Variants in RPA1 observed in about 807,000 individuals in gnomAD.
RPA1 encodes replication protein A1.
RPA1 carries 49 observed loss-of-function variants against 83.0 expected under a neutral mutation model. The ratio of observed to expected loss-of-function variants is 0.59; its 90% CI spans 0.47 to 0.75. The LOEUF is 0.75. Ranked by LOEUF, RPA1 falls within the 30% of genes least tolerant of loss-of-function variation. The pLI is 0.00. For missense variants in RPA1, 693 were observed against 776.1 expected, an observed-to-expected ratio of 0.89 and a Z score of 1.27; for synonymous variants, 279 against 281.8, an observed-to-expected ratio of 0.99 and a Z score of 0.10.
intron 3 of RPA1, 145 bp downstream of exon 3, chr17:1,844,143 CAG>C: frequency 1.5e-6 from 1 of 645,650 alleles, no homozygotes; most frequent in Non-Finnish European, 2.7e-6. Context: ...TTGCAGCTGT[CAG>C]AGAGCATTCT....
intron 1 of RPA1, among the ~76,000 whole-genome samples, chr17:1,835,963 T>G (rs1317971660): frequency 3.3e-5 from 5 of 152,064 alleles, no homozygotes; most frequent in African/African-American, 1.2e-4. Flanking sequence ...CCTGTCTCTA[T>G]TTCATTTAGA....
chr17:1,849,571 C>T (rs1006825788), intron 4 of RPA1, among the ~76,000 whole-genome samples: 2 of 151,172 alleles, frequency 1.3e-5, no homozygotes, highest in Non-Finnish European at 2.9e-5. Context: ...GGATTACAGG[C>T]GTGAGCCACC....
intron 14 of RPA1, among the ~76,000 whole-genome samples, chr17:1,890,939 C>T (rs1337641719): frequency 2.6e-5 from 4 of 152,160 alleles, no homozygotes; most frequent in Non-Finnish European, 4.4e-5. Context: ...AGAAGGATAG[C>T]GTGGGTTAAA....
chr17:1,882,529 T>C (rs1913833967), intron 12 of RPA1, among the ~76,000 whole-genome samples: 2 of 151,882 alleles, frequency 1.3e-5, no homozygotes, highest in African/African-American at 4.8e-5. Context: ...TAGTCCCAGC[T>C]ACTCGGTGCG....
intron 4 of RPA1, among the ~76,000 whole-genome samples, chr17:1,850,176 A>G (rs1912437627): frequency 6.6e-6 from 1 of 150,828 alleles, no homozygotes; most frequent in African/African-American, 2.4e-5. Flanking sequence ...CATCTCAAAA[A>G]AAAAAAAAGA....
At chr17:1,871,831 G>A (rs551717655) in intron 5 of RPA1, among the ~76,000 whole-genome samples, 14 of 151,824 alleles carry the variant, frequency 9.2e-5, no homozygotes, top group African/African-American at 2.9e-4. Flanking sequence ...ATCTCTCCCC[G>A]CTGTGACAGT....
chr17:1,844,622 C>T lies in RPA1; in HGVS notation c.208C>T (p.Gln70Ter). The T allele has an allele frequency of 6.2e-7, 1 of 1,613,722 alleles. No homozygotes were observed. Among genetic ancestry groups the T allele is most frequent in the Non-Finnish European group, 8.5e-7 (1 of 1,179,888 alleles). Residue 70 changes from glutamine (Q) to a stop codon, truncating the protein, a stop_gained, in exon 4 of 17, where the codon CAA (glutamine) becomes TAA (stop). Transcript: ENST00000254719. LOFTEE classifies it high-confidence loss of function. ...GTTGAACCCTCTCGTGGAGGAAGAA[C>T]AATTGTCCAGCAACTGTGTATGCCA... Reference protein sequence around the residue: ...TQLNPLVEEEQLSSNCVCQIH... With the variant: ...TQLNPLVEEE
chr17:1,874,602 T>C (rs1346804072), intron 6 of RPA1, among the ~76,000 whole-genome samples: 1 of 152,174 alleles, frequency 6.6e-6, no homozygotes, highest in Non-Finnish European at 1.5e-5. Context: ...ATGAAATAGA[T>C]TGGATGAATG....
chr17:1,863,280 C>T (rs961172551), intron 5 of RPA1, among the ~76,000 whole-genome samples: 3 of 151,814 alleles, frequency 2.0e-5, no homozygotes, highest in Admixed American at 6.6e-5. Context: ...GGCACAATCT[C>T]GGCTCACTGC....
chr17:1,846,506 G>C (rs1231031511), intron 4 of RPA1, among the ~76,000 whole-genome samples: 1 of 151,822 alleles, frequency 6.6e-6, no homozygotes, highest in African/African-American at 2.4e-5. Context: ...ATTTTTAGTA[G>C]AGACGGGGTT....
At chr17:1,834,544 G>C (rs964562829) in intron 1 of RPA1, among the ~76,000 whole-genome samples, 1 of 152,146 alleles carries the variant, frequency 6.6e-6, no homozygotes, top group Non-Finnish European at 1.5e-5. Context: ...CAAAGGGTAC[G>C]CAAATACCAC....
At position 1,898,299 on chromosome 17, in the gene RPA1, C is replaced by T. The variant is rs1914522499; in HGVS notation, c.*1124C>T. On this transcript the variant is annotated 3_prime_UTR_variant, in exon 17 of 17. Coordinates refer to ENST00000254719, the MANE Select transcript of RPA1 (RefSeq NM_002945.5). ...GCCTGAGGATGCTGATGATCTGGCA[C>T]TTGGGATTTTATTGATGTTTACGCA... 1 of 152,194 alleles carries T rather than the reference C, an allele frequency of 6.6e-6. No homozygotes were observed. Among genetic ancestry groups the T allele is most frequent in the African/African-American group, 2.4e-5 (1 of 41,438 alleles). 9.4% of individuals were successfully genotyped at this position (152,194 alleles called of 1,614,324 possible). A position where few individuals can be genotyped will look rare whatever the true frequency, so the allele number is the denominator to read the frequency against.
intron 6 of RPA1, among the ~76,000 whole-genome samples, chr17:1,873,776 G>A (rs1913466392): frequency 6.6e-6 from 1 of 151,204 alleles, no homozygotes; most frequent in Non-Finnish European, 1.5e-5. Flanking sequence ...ATCACTTGAG[G>A]TCAGGAGTTC....
At chr17:1,892,725 T>G (rs1914251425) in intron 15 of RPA1, among the ~76,000 whole-genome samples, 1 of 152,260 alleles carries the variant, frequency 6.6e-6, no homozygotes, top group Admixed American at 6.5e-5. Flanking sequence ...ATAAGGTGCC[T>G]GCCATTTCAG....
At chr17:1,851,268 CGTGTGCGTGTGT>C (rs1912485481) in intron 4 of RPA1, among the ~76,000 whole-genome samples, 1 of 124,278 alleles carries the variant, frequency 8.0e-6, no homozygotes, top group Admixed American at 8.9e-5. Context: ...TGTGTATGTG[CGTGTGCGTGTGT>C]GTGTGTGTGC....
intron 8 of RPA1, among the ~76,000 whole-genome samples, chr17:1,877,781 T>C (rs1274471969): frequency 6.6e-5 from 10 of 152,164 alleles, no homozygotes; most frequent in Admixed American, 5.9e-4. Context: ...GTGACCTCGA[T>C]ATGGGAGTGG....
intron 5 of RPA1, among the ~76,000 whole-genome samples, chr17:1,860,979 C>T (rs2151278918): frequency 6.6e-6 from 1 of 152,300 alleles, no homozygotes; most frequent in East Asian, 1.9e-4. Context: ...CGAGACCTGA[C>T]AGACTGTTCT....
intron 5 of RPA1, among the ~76,000 whole-genome samples, chr17:1,857,596 T>C (rs535018807): frequency 4.0e-5 from 6 of 151,594 alleles, no homozygotes; most frequent in African/African-American, 1.5e-4. Context: ...ATGAAGAGAA[T>C]TGTCCTTTAA....
At chr17:1,862,933 GT>G (rs1913039531) in intron 5 of RPA1, among the ~76,000 whole-genome samples, 3 of 151,772 alleles carry the variant, frequency 2.0e-5, no homozygotes, top group African/African-American at 7.3e-5. Context: ...GGCCAGGCTA[GT>G]CTCGAACTGC....
Sources: gnomAD v4.1 joint callset for allele counts (sites outside exome capture counted in the v4.1 genomes callset) on GRCh38, gnomAD v4.1.1 for gene constraint, MANE v1.5 for transcripts, NCBI Gene and HGNC (gene_info 2026-07-23, HGNC 2026-07-21) for gene names.